Variants in CTNNA2 observed in about 807,000 individuals in gnomAD.
CTNNA2 encodes the protein catenin alpha-2.
Under a neutral mutation model 101.0 loss-of-function variants are expected in CTNNA2, and 42 were observed. The observed-to-expected ratio is 0.42, with a 90% confidence interval of 0.32 to 0.54. CTNNA2 has a LOEUF of 0.54. Among genes scored for constraint, CTNNA2 ranks in the 20% least tolerant of loss-of-function variants. The pLI, the probability that CTNNA2 is intolerant of heterozygous loss-of-function variation, is 0.14. For synonymous variants in CTNNA2, 450 were observed against 456.4 expected, an observed-to-expected ratio of 0.99 and a Z score of 0.18; for missense variants, 871 against 1,223.1, an observed-to-expected ratio of 0.71 and a Z score of 4.29.
chr2:80,085,443 A>G (rs1044848122), intron 7 of CTNNA2, among the ~76,000 whole-genome samples: 6 of 152,118 alleles, frequency 3.9e-5, no homozygotes, highest in African/African-American at 1.4e-4. Flanking sequence ...AGAGAACACA[A>G]ACATTTCCGA....
rs565346845 is a variant in CTNNA2 at position 79,265,392 on chromosome 2, G to C, written c.-405-47317G>C. Among the ~76,000 whole-genome samples the C allele has an allele frequency of 3.3e-5, 5 of 152,252 alleles. No homozygotes were observed. The South Asian group carries it at 1.0e-3, about 32-fold the overall frequency. ...AAGACAGCCTGTCAGGGCTATTGGA[G>C]GGATGTAGCTTTTCTGCTTAGTACT... On this transcript the variant is annotated intron_variant, in intron 2 of 21. Coordinates refer to the CTNNA2 transcript ENST00000466387.
At chr2:79,774,638 G>C (rs1385333862) in intron 3 of CTNNA2, among the ~76,000 whole-genome samples, 1 of 152,128 alleles carries the variant, frequency 6.6e-6, no homozygotes, top group African/African-American at 2.4e-5. Flanking sequence ...AAGAAGGCAT[G>C]GTTATAAGCA....
intron 2 of CTNNA2, among the ~76,000 whole-genome samples, chr2:79,267,952 A>G (rs1675008298): frequency 6.6e-6 from 1 of 152,118 alleles, no homozygotes. Flanking sequence ...AAAGGTTCAT[A>G]GAGGTGAGCA....
At chr2:79,535,724 CG>C (rs1462626909) in intron 1 of CTNNA2, among the ~76,000 whole-genome samples, 1 of 151,736 alleles carries the variant, frequency 6.6e-6, no homozygotes, top group Non-Finnish European at 1.5e-5. Flanking sequence ...CTTCCAGGGA[CG>C]GGTCAAATAT....
chr2:80,410,721 C>T (rs886503507), intron 8 of CTNNA2, among the ~76,000 whole-genome samples: 1 of 152,138 alleles, frequency 6.6e-6, no homozygotes, highest in African/African-American at 2.4e-5. Flanking sequence ...TGTGCCCCTG[C>T]TCATCAGAGA....
intron 3 of CTNNA2, among the ~76,000 whole-genome samples, chr2:79,760,742 T>C (rs749600489): frequency 6.6e-6 from 1 of 152,216 alleles, no homozygotes; most frequent in Non-Finnish European, 1.5e-5. Context: ...GAAATAATTG[T>C]ACTTATGTAA....
intron 7 of CTNNA2, among the ~76,000 whole-genome samples, chr2:80,042,480 C>T (rs1176172557): frequency 1.3e-5 from 2 of 152,126 alleles, no homozygotes; most frequent in Non-Finnish European, 2.9e-5. Flanking sequence ...GAGAGAATTG[C>T]ACTGAGCCAA....
chr2:80,199,206 AAAAAG>A (rs1707040514), intron 7 of CTNNA2, among the ~76,000 whole-genome samples: 3 of 150,342 alleles, frequency 2.0e-5, no homozygotes, highest in South Asian at 4.2e-4. Context: ...AAAAAAAAAA[AAAAAG>A]AACTGCAGTA....
chr2:79,803,708 T>G (rs1200135330), intron 3 of CTNNA2, among the ~76,000 whole-genome samples: 1 of 152,252 alleles, frequency 6.6e-6, no homozygotes, highest in East Asian at 1.9e-4. Flanking sequence ...GGGGCCAGTT[T>G]ATGGCCAGAT....
chr2:79,904,625 C>T (rs1315482612), intron 6 of CTNNA2, among the ~76,000 whole-genome samples: 4 of 152,134 alleles, frequency 2.6e-5, no homozygotes, highest in Non-Finnish European at 5.9e-5. Context: ...CATGGGACAA[C>T]ATCTCTGGCA....
intron 6 of CTNNA2, among the ~76,000 whole-genome samples, chr2:79,882,977 G>A (rs774587082): frequency 5.3e-5 from 8 of 152,184 alleles, no homozygotes; most frequent in East Asian, 1.9e-4. Context: ...GAGGTGGGCC[G>A]CACCACCCTG....
intron 2 of CTNNA2, among the ~76,000 whole-genome samples, chr2:79,210,567 C>T (rs1674158980): frequency 6.6e-6 from 1 of 152,030 alleles, no homozygotes; most frequent in Non-Finnish European, 1.5e-5. Context: ...AAATTGAGTC[C>T]TGTCTTTAGT....
intron 9 of CTNNA2, 100 bp from the exon 10 acceptor site, chr2:80,544,882 C>T: frequency 1.1e-6 from 1 of 950,338 alleles, no homozygotes; most frequent in Non-Finnish European, 1.6e-6. Context: ...TGAAAGAATT[C>T]TCCTGGAAGA....
At chr2:80,484,911 C>G (rs2149506999) in intron 9 of CTNNA2, among the ~76,000 whole-genome samples, 1 of 152,150 alleles carries the variant, frequency 6.6e-6, no homozygotes, top group South Asian at 2.1e-4. Context: ...GAGGCTGAGG[C>G]AGGAGAATGG....
intron 4 of CTNNA2, among the ~76,000 whole-genome samples, chr2:79,496,904 G>T (rs1459259499): frequency 4.6e-5 from 7 of 152,070 alleles, no homozygotes; most frequent in African/African-American, 1.7e-4. Context: ...ATCAGAAAAT[G>T]CTTTCTTTAC....
Position 79,282,651 on chromosome 2 carries a change from C to A in CTNNA2, c.-405-30058C>A, listed in dbSNP as rs1282775116. On this transcript the variant is annotated intron_variant, in intron 2 of 21. Coordinates refer to the CTNNA2 transcript ENST00000466387. ...ATGTGCCACATTTTCTTAATCCAGT[C>A]TATCATTGTTGGACATTTGGGTTGG... is the stretch of plus-strand genomic sequence containing the variant. Among the ~76,000 whole-genome samples the A allele has an allele frequency of 2.1e-5, 3 of 143,178 alleles. 1 individual carries two copies. The highest frequency in any genetic ancestry group is 3.1e-5 in the Non-Finnish European group (2 of 65,364). The allele number at this position is 143,178 out of a possible 152,430, so 93.9% of individuals were successfully genotyped here. A position where few individuals can be genotyped will look rare whatever the true frequency, so the allele number is the denominator to read the frequency against.
chr2:80,312,340 G>A (rs892062059), intron 7 of CTNNA2, among the ~76,000 whole-genome samples: 3 of 152,284 alleles, frequency 2.0e-5, no homozygotes, highest in South Asian at 2.1e-4. Flanking sequence ...GCGGGGGTAT[G>A]AGCCAGAGTA....
Position 80,555,926 on chromosome 2 carries a change from T to C in CTNNA2, c.1741+33T>C, listed in dbSNP as rs757369113. The stretch of plus-strand genomic sequence containing the variant: ...TGGGTATTGGGTCTGGCCAAAATGT[T>C]AATGCCTTGATTAGTTTCTATAACT... On this transcript the variant is annotated intron_variant, in intron 12 of 18. Transcript: ENST00000402739. 49 of 1,339,306 alleles carry C rather than the reference T, an allele frequency of 3.7e-5. No homozygotes were observed. The Middle Eastern group carries it at 8.8e-4, about 24-fold the overall frequency. 83.0% of individuals were successfully genotyped at this position (1,339,306 alleles called of 1,614,324 possible).
chr2:80,034,028 A>T (rs1465438058), intron 7 of CTNNA2, among the ~76,000 whole-genome samples: 3 of 151,386 alleles, frequency 2.0e-5, no homozygotes, highest in Admixed American at 6.6e-5. Flanking sequence ...TCCTTTATGA[A>T]CTTGAAGTAG....
Sources: allele counts gnomAD v4.1 joint callset (sites outside exome capture counted in the v4.1 genomes callset), GRCh38; gene constraint gnomAD v4.1.1; transcripts MANE v1.5; gene names NCBI Gene and HGNC (gene_info 2026-07-23, HGNC 2026-07-21).